Variants in ANXA8 observed in about 807,000 individuals in gnomAD.
ANXA8 encodes the protein annexin A8, also known as VAC-beta.
ANXA8 carries 9 observed loss-of-function variants against 26.8 expected under a neutral mutation model. The ratio of observed to expected loss-of-function variants is 0.34; its 90% CI spans 0.20 to 0.59. The LOEUF (loss-of-function observed/expected upper bound fraction) is 0.59, where lower values mean the gene tolerates loss of function less well. Ranked by LOEUF, ANXA8 falls within the 20% of genes least tolerant of loss-of-function variation. The pLI, the probability that ANXA8 is intolerant of heterozygous loss-of-function variation, is 0.84. For synonymous variants in ANXA8, 39 were observed against 94.8 expected, an observed-to-expected ratio of 0.41 and a Z score of 3.42; for missense variants, 83 against 238.5, an observed-to-expected ratio of 0.35 and a Z score of 4.29.
At chr10:47,658,835 TTTTA>T in the ANXA8 span, among the ~76,000 whole-genome samples, 1,017 of 137,190 alleles carry the variant, frequency 7.4e-3, 12 homozygotes, top group Middle Eastern at 0.014. Context: ...GTGTTGAGGT[TTTTA>T]TTTATTTATT....
chr10:47,563,800 T>G, the ANXA8 span: 1 of 694,340 alleles, frequency 1.4e-6, no homozygotes, highest in South Asian at 1.7e-5. Context: ...TTTTTTTAAG[T>G]TGTACTCTTT....
chr10:47,971,232 C>T, the ANXA8 span, among the ~76,000 whole-genome samples: 1 of 150,996 alleles, frequency 6.6e-6, no homozygotes, highest in African/African-American at 2.4e-5. Flanking sequence ...TTCTCCATGA[C>T]TTTGAGGCCG....
the ANXA8 span, among the ~76,000 whole-genome samples, chr10:47,603,282 G>A: frequency 1.2e-4 from 18 of 148,852 alleles, no homozygotes; most frequent in South Asian, 2.3e-3. Flanking sequence ...TATTATATAC[G>A]GCCAATATTA....
At chr10:47,496,476 A>C in the ANXA8 span, among the ~76,000 whole-genome samples, 25 of 150,722 alleles carry the variant, frequency 1.7e-4, no homozygotes, top group Non-Finnish European at 2.8e-4. Context: ...AATTTAATTA[A>C]ATACATTTAA....
At chr10:47,647,583 C>T in the ANXA8 span, among the ~76,000 whole-genome samples, 6 of 149,042 alleles carry the variant, frequency 4.0e-5, no homozygotes, top group South Asian at 6.3e-4. Flanking sequence ...AATTCACTTT[C>T]CAGGAGAAAT....
chr10:47,607,733 G>A, the ANXA8 span, among the ~76,000 whole-genome samples: 1 of 107,878 alleles, frequency 9.3e-6, no homozygotes, highest in Non-Finnish European at 1.8e-5. Context: ...ACAAATATTT[G>A]TGAGTCTTAT....
chr10:47,710,167 A>C, the ANXA8 span: 4 of 903,764 alleles, frequency 4.4e-6, no homozygotes, highest in Non-Finnish European at 6.6e-6. Flanking sequence ...ATTATTTGTC[A>C]AGAAAAATGT....
At chr10:47,597,227 C>G in the ANXA8 span, among the ~76,000 whole-genome samples, 1 of 148,828 alleles carries the variant, frequency 6.7e-6, no homozygotes, top group Non-Finnish European at 1.5e-5. Context: ...TAATTAAAAC[C>G]CTCAATAGAC....
chr10:47,973,826 T>C, the ANXA8 span, among the ~76,000 whole-genome samples: 3 of 151,196 alleles, frequency 2.0e-5, no homozygotes, highest in Non-Finnish European at 4.4e-5. Flanking sequence ...CTAAAGAGGT[T>C]TAATCAGTAG....
At chr10:47,726,780 T>C in the ANXA8 span, 2 of 1,003,188 alleles carry the variant, frequency 2.0e-6, no homozygotes, top group Non-Finnish European at 3.2e-6. Context: ...TATTTTTCAT[T>C]TAAGCATTTC....
At chr10:47,533,220 C>CACACATACACACACCCGCAG in the ANXA8 span, among the ~76,000 whole-genome samples, 1 of 141,696 alleles carries the variant, frequency 7.1e-6, no homozygotes, top group Non-Finnish European at 1.5e-5. Context: ...CACACACACA[C>CACACATACACACACCCGCAG]ACACCCCCGC....
the ANXA8 span, among the ~76,000 whole-genome samples, chr10:47,672,681 G>T: frequency 1.3e-5 from 2 of 151,932 alleles, no homozygotes; most frequent in African/African-American, 2.4e-5. Context: ...AGGCATGAAG[G>T]GTGACTGAGA....
the ANXA8 span, among the ~76,000 whole-genome samples, chr10:47,980,228 T>C: frequency 9.9e-5 from 15 of 151,450 alleles, no homozygotes; most frequent in African/African-American, 3.4e-4. Context: ...TTGAAATGAA[T>C]GAAAATAAAA....
At chr10:47,568,136 G>A in the ANXA8 span, 171 of 209,988 alleles carry the variant, frequency 8.1e-4, no homozygotes, top group Non-Finnish European at 1.4e-3. Context: ...CTGGGTTCAG[G>A]CGATTCTCCT....
upstream of ANXA8, chr10:47,487,211 G>A (rs1391918618): frequency 5.8e-5 from 51 of 882,326 alleles, 1 homozygote; most frequent in East Asian, 2.7e-4. Context: ...TAAATCCAGC[G>A]CTCAATGTAC....
the ANXA8 span, among the ~76,000 whole-genome samples, chr10:47,704,301 G>A: frequency 7.0e-6 from 1 of 143,262 alleles, no homozygotes; most frequent in Non-Finnish European, 1.6e-5. Flanking sequence ...TCAAAACAGA[G>A]TTTTTAAAAG....
the ANXA8 span, among the ~76,000 whole-genome samples, chr10:47,548,464 T>G: frequency 0.016 from 2,358 of 151,574 alleles, no homozygotes; most frequent in Non-Finnish European, 0.026. Context: ...ACCTCACCCG[T>G]CTAATTTTGT....
At chr10:47,756,374 GA>G in the ANXA8 span, among the ~76,000 whole-genome samples, 2 of 110,954 alleles carry the variant, frequency 1.8e-5, no homozygotes, top group African/African-American at 7.2e-5. Flanking sequence ...GTGACCAGAG[GA>G]AGCCGGCTGA....
At chr10:47,967,212 A>T in the ANXA8 span, among the ~76,000 whole-genome samples, 3 of 150,320 alleles carry the variant, frequency 2.0e-5, no homozygotes, top group Admixed American at 6.7e-5. Flanking sequence ...CTCACTCTCC[A>T]GAGGCAACTT....
Sources: allele counts gnomAD v4.1 joint callset (sites outside exome capture counted in the v4.1 genomes callset), GRCh38; gene constraint gnomAD v4.1.1; transcripts MANE v1.5; gene names NCBI Gene and HGNC (gene_info 2026-07-23, HGNC 2026-07-21).